SH3YL1: variants seen among roughly 807,000 people sequenced by gnomAD.
The protein encoded by SH3YL1 is SH3 domain-containing YSC84-like protein 1.
A neutral mutation model predicts 45.8 loss-of-function variants in SH3YL1; 41 were observed. The ratio of observed to expected loss-of-function variants is 0.89; its 90% confidence interval spans 0.70 to 1.16. The LOEUF is 1.16. Among genes scored for constraint, SH3YL1 ranks in the 50% most tolerant of loss-of-function variants. The probability of loss-of-function intolerance (pLI) is 0.00; values close to 1 mark genes in which losing one functional copy is unlikely to be tolerated. For synonymous variants in SH3YL1, 152 were observed against 151.4 expected (o/e 1.00, Z -0.03); for missense variants, 389 against 409.6 (o/e 0.95, Z 0.43).
intron 5 of SH3YL1, 71 bp from the exon 6 acceptor site, chr2:233,300 A>C (rs1369248760): frequency 5.4e-5 from 74 of 1,363,398 alleles, no homozygotes; most frequent in Non-Finnish European, 6.9e-5. Flanking sequence ...TTTAAATAGC[A>C]CTCCTTCTAG....
At chr2:243,281 T>C (rs1378467980) in intron 4 of SH3YL1, among the ~76,000 whole-genome samples, 3 of 152,108 alleles carry the variant, frequency 2.0e-5, no homozygotes, top group African/African-American at 4.8e-5. Context: ...TTTGAGGCCA[T>C]AAAAGAAGCC....
rs11689239 is a variant in SH3YL1 at position 230,055 on chromosome 2, C to T, written c.703-11G>A. The T allele has an allele frequency of 2.7e-5, 43 of 1,585,386 alleles. No individual in the cohort carries two copies. The highest frequency in any genetic ancestry group is 3.5e-5 in the Non-Finnish European group (41 of 1,165,888). ...AGGTAATTCTTTAGCCTGGGAGAAA[C>T]AAAAAGATAAATACACATAATTTTA... On this transcript the variant is annotated splice_polypyrimidine_tract_variant and intron_variant, in intron 7 of 9. Transcript: ENST00000356150.
chr2:218,705 G>C lies in SH3YL1; in HGVS notation c.*106C>G. 1 of 981,742 alleles carries C rather than the reference G, an allele frequency of 1.0e-6. No homozygotes were observed. Among genetic ancestry groups the C allele is most frequent in the Non-Finnish European group, 1.4e-6 (1 of 690,180 alleles). The allele number at this position is 981,742 out of a possible 1,614,324, so 60.8% of individuals were successfully genotyped here. A position where few individuals can be genotyped will look rare whatever the true frequency, so the allele number is the denominator to read the frequency against. ...TTACATACGGAATGGAAATTTTGTA[G>C]AACAGAAGTTTTTTAAAATTTATAT... On this transcript the variant is annotated 3_prime_UTR_variant, in exon 10 of 10. Transcript: ENST00000356150.
Position 230,625 on chromosome 2 carries a change from G to A in SH3YL1, c.702+398C>T, listed in dbSNP as rs1053275367. On this transcript the variant is annotated intron_variant, in intron 7 of 9. Coordinates refer to ENST00000356150, the MANE Select transcript of SH3YL1 (RefSeq NM_015677.4). ...GGGCTCAAGCGATCCTCCTGTTTCA[G>A]CCTCCTGAGTAGCTGAGATTATGGG... 9 of 250,258 alleles carry A rather than the reference G, an allele frequency of 3.6e-5. No homozygotes were observed. In the South Asian group the frequency reaches 4.8e-4, roughly 13 times the overall value. The allele number at this position is 250,258 out of a possible 1,614,324, so 15.5% of individuals were successfully genotyped here.
chr2:258,183 C>A (rs1322903998), intron 1 of SH3YL1, among the ~76,000 whole-genome samples: 1 of 152,126 alleles, frequency 6.6e-6, no homozygotes, highest in Non-Finnish European at 1.5e-5. Context: ...TTTTCTAATT[C>A]TGTGAAGAAT....
intron 8 of SH3YL1, among the ~76,000 whole-genome samples, chr2:227,445 G>C (rs1667832152): frequency 6.6e-6 from 1 of 152,070 alleles, no homozygotes; most frequent in Non-Finnish European, 1.5e-5. Context: ...GAGTGAATGA[G>C]TAAACTATAT....
intron 5 of SH3YL1, 117 bp from the exon 6 acceptor site, chr2:233,346 C>T: frequency 8.7e-7 from 1 of 1,154,642 alleles, no homozygotes; most frequent in Non-Finnish European, 1.1e-6. Flanking sequence ...CCTTCTTCAG[C>T]TGTTTCTATG....
intron 4 of SH3YL1, among the ~76,000 whole-genome samples, chr2:236,159 T>G (rs1259846759): frequency 5.7e-5 from 3 of 52,348 alleles, no homozygotes; most frequent in Non-Finnish European, 7.6e-5. Context: ...GGAGGCAGCA[T>G]GGGCCAGGGG....
chr2:247,467 G>A (rs1027534015), intron 4 of SH3YL1, 71 bp downstream of exon 4: 2 of 1,257,366 alleles, frequency 1.6e-6, no homozygotes, highest in Admixed American at 5.1e-5. Flanking sequence ...AAACCTCTCA[G>A]TTTTCACAGG....
At chr2:247,494 T>C (rs1204410916) in intron 4 of SH3YL1, 44 bp downstream of exon 4, 3 of 1,482,588 alleles carry the variant, frequency 2.0e-6, no homozygotes, top group African/African-American at 2.8e-5. Context: ...CTTAGGTGTC[T>C]TCAGAGGATA....
At chr2:245,181 C>A (rs1186855919) in intron 4 of SH3YL1, among the ~76,000 whole-genome samples, 2 of 152,242 alleles carry the variant, frequency 1.3e-5, no homozygotes, top group African/African-American at 4.8e-5. Flanking sequence ...GACATCACTG[C>A]ACACTCACAA....
intron 4 of SH3YL1, among the ~76,000 whole-genome samples, chr2:246,600 G>C (rs1004186089): frequency 2.9e-5 from 4 of 138,650 alleles, no homozygotes; most frequent in Middle Eastern, 3.6e-3. Flanking sequence ...GGGGAAAGGG[G>C]AAGAGAGGGG....
chr2:235,983 T>C (rs867382677), intron 4 of SH3YL1, among the ~76,000 whole-genome samples: 658 of 13,908 alleles, frequency 0.047, 123 homozygotes, highest in East Asian at 0.18. Context: ...GCAGCATGGG[T>C]CAGGGGAGGC....
At chr2:255,479 C>T (rs1039847348) in intron 1 of SH3YL1, among the ~76,000 whole-genome samples, 2 of 152,124 alleles carry the variant, frequency 1.3e-5, no homozygotes, top group Non-Finnish European at 2.9e-5. Flanking sequence ...TTGCTGAAGT[C>T]CTTGCTACCC....
intron 8 of SH3YL1, among the ~76,000 whole-genome samples, chr2:226,686 G>A (rs1667797971): frequency 6.6e-6 from 1 of 152,080 alleles, no homozygotes; most frequent in South Asian, 2.1e-4. Flanking sequence ...AATGGACAGT[G>A]GGGAATGTGT....
rs1668190638 is a variant in SH3YL1 at position 234,339 on chromosome 2, C to T, written c.292-67G>A. On this transcript the variant is annotated intron_variant, in intron 4 of 9. Coordinates refer to ENST00000356150, the MANE Select transcript of SH3YL1 (RefSeq NM_015677.4). ...AAATATCATTTAAAATTCATCTTGA[C>T]TAACACTCAACTACACCATATGCAC... The T allele has an allele frequency of 4.1e-6, 5 of 1,231,118 alleles. No individual in the cohort carries two copies. In the African/African-American group the frequency reaches 4.5e-5, roughly 11 times the overall value. 76.3% of individuals were successfully genotyped at this position (1,231,118 alleles called of 1,614,324 possible).
In SH3YL1 at chr2:230,974, G is replaced by C. The variant is rs573690935; in HGVS notation, c.702+49C>G. ...GATATCAGGGACAGAATGTTCTACA[G>C]AAAGAGATTTTCTGAGAATACTGAG... On this transcript the variant is annotated intron_variant, in intron 7 of 9. Transcript: ENST00000356150. 4.4e-6 allele frequency: 7 copies of C among 1,583,768 alleles called. No homozygotes were observed. The African/African-American group carries it at 9.4e-5, about 21-fold the overall frequency.
rs1203316143 is a variant in SH3YL1, at chr2:247,579, C to G, written c.250G>C (p.Gly84Arg). 6.4e-7 allele frequency: 1 copy of G among 1,551,674 alleles called. No individual in the cohort carries two copies. Among genetic ancestry groups the G allele is most frequent in the Non-Finnish European group, 8.7e-7 (1 of 1,146,948 alleles). Residue 84 changes from glycine (G) to arginine (R), a missense_variant, in exon 4 of 10, where the codon GGG (glycine) becomes CGG (arginine). Physicochemically the swap from Gly to Arg is moderately radical, Grantham distance 125. Coordinates refer to ENST00000356150, the MANE Select transcript of SH3YL1 (RefSeq NM_015677.4). The part of the protein sequence containing the change: ...DGKWSAPSAI[G>R]IAGLGGGFEI... ...AATCCTCCACCAAGGCCAGCTATCCCAATGGCTGAGGGTGCAGACCATTCT... is the reference window on the plus strand; with the variant it reads ...AATCCTCCACCAAGGCCAGCTATCCGAATGGCTGAGGGTGCAGACCATTCT...
At chr2:247,439 A>G (rs890149587) in intron 4 of SH3YL1, 99 bp downstream of exon 4, 6 of 862,586 alleles carry the variant, frequency 7.0e-6, no homozygotes, top group Non-Finnish European at 1.0e-5. Flanking sequence ...TGCCAATGGT[A>G]ACAATAAGAA....
Sources: gnomAD v4.1 joint callset for allele counts (sites outside exome capture counted in the v4.1 genomes callset) on GRCh38, gnomAD v4.1.1 for gene constraint, MANE v1.5 for transcripts, NCBI Gene and HGNC (gene_info 2026-07-23, HGNC 2026-07-21) for gene names.